INSYN2B: variants seen among roughly 807,000 people sequenced by gnomAD.
The protein encoded by INSYN2B is inhibitory synaptic factor family member 2B.
In INSYN2B, 16 loss-of-function variants were observed where a neutral mutation model predicts 41.2. That is an observed-to-expected ratio of 0.39 (90% confidence interval 0.26 to 0.59). The LOEUF is 0.59. INSYN2B is among the 20% of genes least tolerant of loss of function. INSYN2B has a pLI of 0.57. For synonymous variants in INSYN2B, 245 were observed against 244.4 expected (o/e 1.00, Z -0.02); for missense variants, 608 against 646.4 (o/e 0.94, Z 0.64).
intron 1 of INSYN2B, among the ~76,000 whole-genome samples, chr5:169,946,868 A>G (rs1449046788): frequency 6.6e-6 from 1 of 152,178 alleles, no homozygotes; most frequent in African/African-American, 2.4e-5. Flanking sequence ...GAATATCGAG[A>G]TGGAGCCAGC....
chr5:169,936,024 G>A (rs561208071), intron 1 of INSYN2B, among the ~76,000 whole-genome samples: 30 of 152,228 alleles, frequency 2.0e-4, no homozygotes, highest in African/African-American at 6.3e-4. Flanking sequence ...GTGGCATGGC[G>A]GTGGGGGGAA....
chr5:169,941,649 C>T (rs1028128938), intron 1 of INSYN2B, among the ~76,000 whole-genome samples: 13 of 152,136 alleles, frequency 8.5e-5, no homozygotes, highest in African/African-American at 3.1e-4. Context: ...CTGTGGGGAC[C>T]GTGACGGCTC....
chr5:169,899,988 G>T (rs1021116708), intron 1 of INSYN2B, among the ~76,000 whole-genome samples: 1 of 152,090 alleles, frequency 6.6e-6, no homozygotes, highest in African/African-American at 2.4e-5. Flanking sequence ...ACTGTCCATT[G>T]TATTCACTTC....
chr5:169,963,760 A>G (rs1777186455), intron 1 of INSYN2B, among the ~76,000 whole-genome samples: 1 of 151,858 alleles, frequency 6.6e-6, no homozygotes, highest in Non-Finnish European at 1.5e-5. Context: ...TCCCCCTAGC[A>G]TCATTCACTC....
At chr5:169,896,225 A>G (rs1359730521) in intron 1 of INSYN2B, among the ~76,000 whole-genome samples, 2 of 152,194 alleles carry the variant, frequency 1.3e-5, no homozygotes, top group Non-Finnish European at 2.9e-5. Context: ...TAAAGCTCAC[A>G]TCAACATTCC....
chr5:169,892,008 A>G (rs868450750), intron 1 of INSYN2B, among the ~76,000 whole-genome samples: 3 of 151,834 alleles, frequency 2.0e-5, no homozygotes, highest in Admixed American at 6.6e-5. Flanking sequence ...AAAAAAAAAA[A>G]AAAAGAAAAA....
chr5:169,913,105 G>A (rs902799155), intron 1 of INSYN2B, among the ~76,000 whole-genome samples: 1 of 152,134 alleles, frequency 6.6e-6, no homozygotes, highest in Non-Finnish European at 1.5e-5. Flanking sequence ...CTAGTTTCCT[G>A]TCATTTGAAA....
chr5:169,896,017 C>T (rs1773580681), intron 1 of INSYN2B, among the ~76,000 whole-genome samples: 1 of 152,206 alleles, frequency 6.6e-6, no homozygotes, highest in South Asian at 2.1e-4. Context: ...TGGCCTTGGC[C>T]ACCCTCCATG....
intron 1 of INSYN2B, among the ~76,000 whole-genome samples, chr5:169,915,528 T>C (rs1350413505): frequency 2.7e-5 from 4 of 150,912 alleles, no homozygotes; most frequent in Non-Finnish European, 4.4e-5. Context: ...CCTGGCTATA[T>C]AGAGAAAATA....
intron 1 of INSYN2B, among the ~76,000 whole-genome samples, chr5:169,911,593 A>G (rs1420625026): frequency 1.3e-5 from 2 of 152,242 alleles, no homozygotes; most frequent in East Asian, 1.9e-4. Context: ...AATACCCTTC[A>G]GGCTTCATTT....
chr5:169,912,956 T>G (rs1774690052), intron 1 of INSYN2B, among the ~76,000 whole-genome samples: 1 of 152,196 alleles, frequency 6.6e-6, no homozygotes, highest in Non-Finnish European at 1.5e-5. Flanking sequence ...AAAGACAATT[T>G]AATGGGTGAT....
chr5:169,911,634 A>G (rs1168683134), intron 1 of INSYN2B, among the ~76,000 whole-genome samples: 3 of 152,162 alleles, frequency 2.0e-5, no homozygotes, highest in Non-Finnish European at 4.4e-5. Context: ...CTCATATTCA[A>G]TTCTTTTCTG....
At chr5:169,887,317 ATAT>A (rs1773027943) in intron 1 of INSYN2B, among the ~76,000 whole-genome samples, 1 of 152,230 alleles carries the variant, frequency 6.6e-6, no homozygotes, top group African/African-American at 2.4e-5. Flanking sequence ...GCTTATAAAG[ATAT>A]TATTTGTTCA....
chr5:169,927,440 C>G (rs1386338095), intron 1 of INSYN2B, among the ~76,000 whole-genome samples: 1 of 152,120 alleles, frequency 6.6e-6, no homozygotes, highest in African/African-American at 2.4e-5. Context: ...GCTACTGGGC[C>G]AGAGACCAGA....
At chr5:169,895,352 C>A (rs112092922) in intron 1 of INSYN2B, among the ~76,000 whole-genome samples, 6 of 152,112 alleles carry the variant, frequency 3.9e-5, no homozygotes, top group African/African-American at 1.4e-4. Context: ...GAGAACCACC[C>A]AGCCTCAACC....
chr5:169,875,243 C>A, intron 3 of INSYN2B: 1 of 456,686 alleles, frequency 2.2e-6, no homozygotes, highest in South Asian at 1.5e-5. Context: ...GCTGCAACTG[C>A]GGATTCCCAT....
In INSYN2B at chr5:169,883,180, C is replaced by G. The variant is rs79381504; in HGVS notation, c.719G>C (p.Arg240Pro). The G allele has an allele frequency of 3.9e-6, 6 of 1,551,520 alleles. No individual in the cohort carries two copies. Among genetic ancestry groups the G allele is most frequent in the Admixed American group, 2.0e-5 (1 of 50,990 alleles). ...SNSIHPLDDT[R>P]PGDGRRVTPL... ...AGTCACCCTTCTCCCATCACCTGGACGTGTGTCATCCAAAGGGTGTATGGA... is the reference window on the plus strand; with the variant it reads ...AGTCACCCTTCTCCCATCACCTGGAGGTGTGTCATCCAAAGGGTGTATGGA... Residue 240 changes from arginine to proline, a missense_variant, in exon 2 of 4, where the codon CGT (arginine) becomes CCT (proline). Transcript: ENST00000377365.
intron 1 of INSYN2B, among the ~76,000 whole-genome samples, chr5:169,930,653 G>A (rs1775709580): frequency 6.6e-6 from 1 of 152,166 alleles, no homozygotes; most frequent in South Asian, 2.1e-4. Flanking sequence ...CGGCTGACAG[G>A]GAGCAATTAA....
intron 3 of INSYN2B, among the ~76,000 whole-genome samples, chr5:169,872,666 T>C (rs1772057982): frequency 6.6e-6 from 1 of 152,194 alleles, no homozygotes; most frequent in Admixed American, 6.6e-5. Flanking sequence ...AAGATCTGCA[T>C]GTGAAACCCT....
Sources: allele counts gnomAD v4.1 joint callset (sites outside exome capture counted in the v4.1 genomes callset), GRCh38; gene constraint gnomAD v4.1.1; transcripts MANE v1.5; gene names NCBI Gene and HGNC (gene_info 2026-07-23, HGNC 2026-07-21).